Variants in TSPAN5 observed in about 807,000 individuals in gnomAD.
TSPAN5 encodes tetraspanin-5.
TSPAN5 carries 10 observed loss-of-function variants against 37.1 expected under a neutral mutation model. The observed-to-expected ratio is 0.27, with a 90% confidence interval of 0.17 to 0.46. The LOEUF (loss-of-function observed/expected upper bound fraction) is 0.46, where lower values mean the gene tolerates loss of function less well. Among genes scored for constraint, TSPAN5 ranks in the 20% least tolerant of loss-of-function variants. TSPAN5 has a pLI of 1.00. For missense variants in TSPAN5, 195 were observed against 326.6 expected, an observed-to-expected ratio of 0.60 and a Z score of 3.11; for synonymous variants, 110 against 118.9, an observed-to-expected ratio of 0.93 and a Z score of 0.48.
At chr4:98,484,122 A>G (rs2110261475) in intron 3 of TSPAN5, 1 of 248,812 alleles carries the variant, frequency 4.0e-6, no homozygotes, top group Non-Finnish European at 8.0e-6. Context: ...CATGTTACAT[A>G]TTATACATAC....
intron 1 of TSPAN5, among the ~76,000 whole-genome samples, chr4:98,644,424 C>T (rs762434445): frequency 6.0e-5 from 9 of 151,242 alleles, no homozygotes; most frequent in Non-Finnish European, 1.2e-4. Flanking sequence ...ACAGTTGAAC[C>T]GAAAGAAAAT....
chr4:98,641,033 T>C (rs996727585), intron 1 of TSPAN5, among the ~76,000 whole-genome samples: 11 of 152,206 alleles, frequency 7.2e-5, no homozygotes, highest in African/African-American at 2.7e-4. Flanking sequence ...TCAAGGCCCA[T>C]GTTTGAATCC....
chr4:98,490,161 T>A (rs934262033), intron 2 of TSPAN5, among the ~76,000 whole-genome samples: 2 of 152,304 alleles, frequency 1.3e-5, no homozygotes, highest in Admixed American at 1.3e-4. Flanking sequence ...AAGATCAGAT[T>A]GCTCCCAAAC....
At chr4:98,586,370 T>C (rs1192079402) in intron 1 of TSPAN5, among the ~76,000 whole-genome samples, 1 of 152,196 alleles carries the variant, frequency 6.6e-6, no homozygotes, top group Non-Finnish European at 1.5e-5. Flanking sequence ...AACTGACTTG[T>C]CTGTGTGAAG....
At chr4:98,609,503 CAG>C (rs1013229842) in intron 1 of TSPAN5, among the ~76,000 whole-genome samples, 2 of 152,174 alleles carry the variant, frequency 1.3e-5, no homozygotes, top group African/African-American at 4.8e-5. Context: ...CTCTGAAAAA[CAG>C]TGGCAACAGC....
chr4:98,482,094 C>G lies in TSPAN5; in HGVS notation c.361G>C (p.Asp121His), dbSNP rs1487609270. 6.2e-7 allele frequency: 1 copy of G among 1,614,050 alleles called. No individual in the cohort carries two copies. Among genetic ancestry groups the G allele is most frequent in the East Asian group, 2.2e-5 (1 of 44,892 alleles). ...LAFVFKDWIK[D>H]QLYFFINNNI... ...TTGTTTATAAAGAAATACAGCTGGT[C>G]TTTGATCCAGTCTTTGAAAACAAAT... Residue 121 changes from aspartate (D) to histidine (H), a missense_variant, in exon 4 of 8, where the codon GAC (aspartate) becomes CAC (histidine). Coordinates refer to ENST00000305798, the MANE Select transcript of TSPAN5 (RefSeq NM_005723.4).
In TSPAN5 at chr4:98,566,125, G is replaced by A. The variant is rs1001278938; in HGVS notation, c.82-58397C>T. Among the ~76,000 whole-genome samples the A allele has an allele frequency of 7.2e-5, 11 of 152,248 alleles. No homozygotes were observed. The East Asian group carries it at 9.7e-4, about 13-fold the overall frequency. On this transcript the variant is annotated intron_variant, in intron 1 of 7. Transcript: ENST00000305798. ...TCTATTTCAGGGAACCGGTGAAAAC[G>A]TTATTTCCCTTACTCTGGCAACTGA...
intron 1 of TSPAN5, among the ~76,000 whole-genome samples, chr4:98,600,523 G>A (rs1460492878): frequency 6.6e-6 from 1 of 152,188 alleles, no homozygotes; most frequent in Admixed American, 6.5e-5. Flanking sequence ...ACCAGGAGTA[G>A]ACTTCATCTC....
At chr4:98,590,664 T>A (rs1755605206) in intron 1 of TSPAN5, among the ~76,000 whole-genome samples, 1 of 149,938 alleles carries the variant, frequency 6.7e-6, no homozygotes, top group South Asian at 2.1e-4. Flanking sequence ...GAGCCGAGGT[T>A]GCATCACTGC....
intron 1 of TSPAN5, among the ~76,000 whole-genome samples, chr4:98,577,963 T>C (rs1755282694): frequency 6.6e-6 from 1 of 152,236 alleles, no homozygotes; most frequent in African/African-American, 2.4e-5. Flanking sequence ...GAATTAAGAA[T>C]TCCCTCAGAG....
chr4:98,606,272 A>G (rs1250537347), intron 1 of TSPAN5, among the ~76,000 whole-genome samples: 1 of 152,164 alleles, frequency 6.6e-6, no homozygotes, highest in Non-Finnish European at 1.5e-5. Flanking sequence ...GCAACTCATC[A>G]AGTTCAATTG....
In TSPAN5 at chr4:98,650,937, C is replaced by T. The variant is rs138075810; in HGVS notation, c.81+7209G>A. ...ATAAAGTAATGACAGTAACATTAAA[C>T]CACACTGAAAAAAGGAAGACACTAA... On this transcript the variant is annotated intron_variant, in intron 1 of 7. Transcript: ENST00000305798. Among the ~76,000 whole-genome samples the T allele has an allele frequency of 5.3e-5, 8 of 152,138 alleles. No individual in the cohort carries two copies. In the East Asian group the frequency reaches 1.5e-3, roughly 29 times the overall value.
At chr4:98,637,633 T>C (rs1279419408) in intron 1 of TSPAN5, among the ~76,000 whole-genome samples, 10 of 152,162 alleles carry the variant, frequency 6.6e-5, no homozygotes, top group Non-Finnish European at 1.5e-4. Context: ...ATTCTTTTGA[T>C]GGGGGAAGGA....
chr4:98,577,769 T>C (rs896033184), intron 1 of TSPAN5, among the ~76,000 whole-genome samples: 2 of 152,204 alleles, frequency 1.3e-5, no homozygotes, highest in African/African-American at 4.8e-5. Flanking sequence ...GCTGTGTCAA[T>C]TGGCTGTGTG....
chr4:98,616,086 G>C (rs1027150777), intron 1 of TSPAN5, among the ~76,000 whole-genome samples: 3 of 151,918 alleles, frequency 2.0e-5, no homozygotes, highest in Admixed American at 1.3e-4. Flanking sequence ...GTTCTACAAG[G>C]CCCTTCCTTC....
At chr4:98,622,313 G>C (rs1008816964) in intron 1 of TSPAN5, among the ~76,000 whole-genome samples, 2 of 152,172 alleles carry the variant, frequency 1.3e-5, no homozygotes, top group Non-Finnish European at 2.9e-5. Context: ...CTGGCCTCAA[G>C]TGATCCACCC....
intron 1 of TSPAN5, among the ~76,000 whole-genome samples, chr4:98,600,486 C>T (rs1044429991): frequency 3.3e-5 from 5 of 152,192 alleles, no homozygotes; most frequent in African/African-American, 9.7e-5. Context: ...CCTTTGCTGT[C>T]GTTTCAACAA....
chr4:98,501,194 T>C (rs1037569607), intron 2 of TSPAN5, among the ~76,000 whole-genome samples: 1 of 152,180 alleles, frequency 6.6e-6, no homozygotes, highest in Non-Finnish European at 1.5e-5. Context: ...ATATAGACAA[T>C]ATATATATTT....
At chr4:98,602,958 G>A (rs1400964232) in intron 1 of TSPAN5, among the ~76,000 whole-genome samples, 1 of 152,238 alleles carries the variant, frequency 6.6e-6, no homozygotes, top group East Asian at 1.9e-4. Context: ...GTGGCTGTAT[G>A]CTGTAAAGTG....
Sources: gnomAD v4.1 joint callset for allele counts (sites outside exome capture counted in the v4.1 genomes callset) on GRCh38, gnomAD v4.1.1 for gene constraint, MANE v1.5 for transcripts, NCBI Gene and HGNC (gene_info 2026-07-23, HGNC 2026-07-21) for gene names.